The following DNAJC6 variants were observed in gnomAD, a reference collection of about 807,000 sequenced individuals.
The protein encoded by DNAJC6 is DnaJ heat shock protein family (Hsp40) member C6.
In DNAJC6, 34 loss-of-function variants were observed where a neutral mutation model predicts 110.0. The observed-to-expected ratio is 0.31, with a 90% CI of 0.24 to 0.41. The LOEUF (loss-of-function observed/expected upper bound fraction) is 0.41. Ranked by LOEUF, DNAJC6 falls within the 10% of genes least tolerant of loss-of-function variation. The pLI is 1.00. For missense variants in DNAJC6, 1,031 were observed against 1,207.8 expected (o/e 0.85, Z 2.17); for synonymous variants, 406 against 437.2 (o/e 0.93, Z 0.89).
At chr1:65,298,676 A>G (rs1371333751) in intron 1 of DNAJC6, 2 of 152,218 alleles carry the variant, frequency 1.3e-5, no homozygotes, top group Admixed American at 1.3e-4. Context: ...CATGTTTCAC[A>G]GATAGTTCAG....
intron 1 of DNAJC6, among the ~76,000 whole-genome samples, chr1:65,299,629 A>T (rs1179669670): frequency 2.6e-5 from 4 of 152,182 alleles, no homozygotes; most frequent in African/African-American, 4.8e-5. Context: ...ACTTTATGTT[A>T]TGCAATTTTA....
chr1:65,339,681 A>G (rs1264349634), intron 1 of DNAJC6, among the ~76,000 whole-genome samples: 1 of 152,134 alleles, frequency 6.6e-6, no homozygotes, highest in African/African-American at 2.4e-5. Flanking sequence ...CAATGTGCAT[A>G]TGCTTAAAGA....
Position 65,366,204 on chromosome 1 carries a change from T to G in DNAJC6, c.543+8T>G. 6.2e-7 allele frequency: 1 copy of G among 1,613,224 alleles called. No homozygotes were observed. The highest frequency in any genetic ancestry group is 8.5e-7 in the Non-Finnish European group (1 of 1,179,444). On this transcript the variant is annotated splice_region_variant and intron_variant, in intron 4 of 18. Coordinates refer to ENST00000371069, the MANE Select transcript of DNAJC6 (RefSeq NM_001256864.2). ...GCCAAGTTTCACAGCCGGGTAAGGATTTTTAGCCCTGAGATCATACTGTTG... is the reference window on the plus strand; with the variant it reads ...GCCAAGTTTCACAGCCGGGTAAGGAGTTTTAGCCCTGAGATCATACTGTTG...
intron 1 of DNAJC6, among the ~76,000 whole-genome samples, chr1:65,277,682 A>G (rs1035718176): frequency 3.3e-5 from 5 of 152,186 alleles, no homozygotes; most frequent in African/African-American, 4.8e-5. Context: ...GGGGGTCTCA[A>G]TGACTTGCTT....
At chr1:65,284,202 C>T (rs1653940109) in intron 1 of DNAJC6, among the ~76,000 whole-genome samples, 1 of 152,204 alleles carries the variant, frequency 6.6e-6, no homozygotes, top group South Asian at 2.1e-4. Flanking sequence ...CCACTTCTGA[C>T]AGGCTCTGCT....
intron 6 of DNAJC6, 42 bp downstream of exon 6, chr1:65,384,368 A>C: frequency 2.1e-6 from 3 of 1,455,198 alleles, no homozygotes; most frequent in East Asian, 5.2e-5. Context: ...ATGTAGTCTA[A>C]TTGGTATCAT....
At chr1:65,309,274 C>T (rs1645073351), upstream of DNAJC6, among the ~76,000 whole-genome samples, 1 of 146,754 alleles carries the variant, frequency 6.8e-6, no homozygotes, top group Non-Finnish European at 1.5e-5. Flanking sequence ...GCCCCGTTTC[C>T]CTTCAACCCC....
In DNAJC6 at chr1:65,392,682, C is replaced by T; in HGVS notation, c.1720C>T (p.Pro574Ser). ...MSNSFSPPAA[P>S]PTNSELLSDL... ...TAACAGCTTCTCTCCGCCAGCGGCT[C>T]CTCCCACCAATTCTGAACTACTGAG... Residue 574 changes from proline to serine, a missense_variant, in exon 12 of 19, where the codon CCT (proline) becomes TCT (serine). Coordinates refer to ENST00000371069, the MANE Select transcript of DNAJC6 (RefSeq NM_001256864.2). 1.2e-6 allele frequency: 2 copies of T among 1,612,724 alleles called. No homozygotes were observed. The highest frequency in any genetic ancestry group is 1.7e-6 in the Non-Finnish European group (2 of 1,179,380).
intron 1 of DNAJC6, among the ~76,000 whole-genome samples, chr1:65,316,968 A>G (rs147050356): frequency 1.2e-4 from 18 of 152,080 alleles, no homozygotes; most frequent in East Asian, 3.9e-4. Flanking sequence ...AATGTATACA[A>G]TTTTTTTAAT....
chr1:65,314,893 G>A (rs547986722), intron 1 of DNAJC6, among the ~76,000 whole-genome samples: 1 of 152,378 alleles, frequency 6.6e-6, no homozygotes, highest in Admixed American at 6.5e-5. Context: ...GTCAATTTAA[G>A]TTTCAAATTT....
At chr1:65,270,003 T>C (rs1653454737) in intron 1 of DNAJC6, among the ~76,000 whole-genome samples, 1 of 152,182 alleles carries the variant, frequency 6.6e-6, no homozygotes, top group South Asian at 2.1e-4. Flanking sequence ...AGAACATAAA[T>C]TGGTTTCACT....
intron 4 of DNAJC6, among the ~76,000 whole-genome samples, chr1:65,375,609 G>A (rs1036992640): frequency 6.6e-6 from 1 of 151,980 alleles, no homozygotes; most frequent in Non-Finnish European, 1.5e-5. Flanking sequence ...TGTATTTTTA[G>A]TAGAGACGGG....
chr1:65,319,190 A>C (rs1010398047), intron 1 of DNAJC6, among the ~76,000 whole-genome samples: 16 of 152,214 alleles, frequency 1.1e-4, no homozygotes, highest in Non-Finnish European at 2.9e-5. Context: ...CCAGAAGTGG[A>C]AAATGTGATC....
At chr1:65,305,427 C>G (rs1228768655), upstream of DNAJC6, among the ~76,000 whole-genome samples, 2 of 152,158 alleles carry the variant, frequency 1.3e-5, no homozygotes, top group Non-Finnish European at 2.9e-5. Flanking sequence ...TTTTAAGAAA[C>G]AATATCTTAC....
intron 1 of DNAJC6, among the ~76,000 whole-genome samples, chr1:65,274,083 T>C (rs138105901): frequency 0.012 from 1,800 of 152,260 alleles, 39 homozygotes; most frequent in African/African-American, 0.033. Context: ...TTTAGATTTG[T>C]CTATTTTTCC....
At chr1:65,356,055 G>A (rs1278173120) in intron 1 of DNAJC6, among the ~76,000 whole-genome samples, 1 of 152,050 alleles carries the variant, frequency 6.6e-6, no homozygotes, top group Non-Finnish European at 1.5e-5. Context: ...GTAGGATCCA[G>A]ATCAGTTCTG....
chr1:65,300,623 C>T (rs1248104557), intron 1 of DNAJC6, among the ~76,000 whole-genome samples: 1 of 152,216 alleles, frequency 6.6e-6, no homozygotes, highest in Non-Finnish European at 1.5e-5. Flanking sequence ...TTAGCCCACA[C>T]TCAGCTGCAT....
intron 1 of DNAJC6, among the ~76,000 whole-genome samples, chr1:65,313,104 G>C (rs1340147138): frequency 6.6e-6 from 1 of 151,956 alleles, no homozygotes; most frequent in Non-Finnish European, 1.5e-5. Flanking sequence ...CCAGGCTGGA[G>C]TGCAGTGGTG....
At chr1:65,319,330 C>G (rs867905600) in intron 1 of DNAJC6, among the ~76,000 whole-genome samples, 1 of 151,930 alleles carries the variant, frequency 6.6e-6, no homozygotes, top group Non-Finnish European at 1.5e-5. Context: ...TGTGCAGATG[C>G]CCAGGGGAGT....
Sources: gnomAD v4.1 joint callset for allele counts (sites outside exome capture counted in the v4.1 genomes callset) on GRCh38, gnomAD v4.1.1 for gene constraint, MANE v1.5 for transcripts, NCBI Gene and HGNC (gene_info 2026-07-23, HGNC 2026-07-21) for gene names.